Variants in CDC42BPA observed in about 807,000 individuals in gnomAD.
CDC42BPA encodes the protein CDC42 binding protein kinase alpha, also known as serine/threonine-protein kinase MRCK alpha.
CDC42BPA carries 80 observed loss-of-function variants against 223.5 expected under a neutral mutation model. That is an observed-to-expected ratio of 0.36 (90% CI 0.30 to 0.43). The LOEUF is 0.43. Ranked by LOEUF, CDC42BPA falls within the 20% of genes least tolerant of loss-of-function variation. CDC42BPA has a pLI of 1.00. For synonymous variants in CDC42BPA, 694 were observed against 718.6 expected, an observed-to-expected ratio of 0.97 and a Z score of 0.55; for missense variants, 1,743 against 2,099.9, an observed-to-expected ratio of 0.83 and a Z score of 3.32.
chr1:227,161,700 T>C (rs1663928386), intron 5 of CDC42BPA, among the ~76,000 whole-genome samples: 1 of 152,230 alleles, frequency 6.6e-6, no homozygotes, highest in African/African-American at 2.4e-5. Flanking sequence ...AACACAGCCA[T>C]GCCCATTCAT....
chr1:226,994,096 G>T lies in CDC42BPA; in HGVS notation c.*172C>A. ...CTGTCTTTGTTGTTGCTGTTAGGCT[G>T]GGGGCGTGGATCTGAGAGTCGTGTC... is the stretch of plus-strand genomic sequence containing the variant. On this transcript the variant is annotated 3_prime_UTR_variant, in exon 37 of 37. Transcript: ENST00000366766. The surrounding 1 kb of genome is among the most constrained non-coding windows in gnomAD (Gnocchi z 4.0). 1.8e-6 allele frequency: 1 copy of T among 567,724 alleles called. No individual in the cohort carries two copies. 35.2% of individuals were successfully genotyped at this position (567,724 alleles called of 1,614,324 possible). A position where few individuals can be genotyped will look rare whatever the true frequency, so the allele number is the denominator to read the frequency against.
chr1:227,132,525 G>A lies in CDC42BPA; in HGVS notation c.1391-3294C>T, dbSNP rs1205040799. ...GCCTGCCTTGGCCTCCCAAAGAGCC[G>A]AGATTGCAGCCTCTGCCTGGCTGCC... On this transcript the variant is annotated intron_variant, in intron 10 of 36. Coordinates refer to ENST00000366766, the MANE Select transcript of CDC42BPA (RefSeq NM_001394014.1). Among the ~76,000 whole-genome samples, 4 of 138,406 alleles carry A rather than the reference G, an allele frequency of 2.9e-5. 1 individual carries two copies. Among genetic ancestry groups the A allele is most frequent in the South Asian group, 4.3e-4 (2 of 4,640 alleles). The allele number at this position is 138,406 out of a possible 152,430, so 90.8% of individuals were successfully genotyped here. A position where few individuals can be genotyped will look rare whatever the true frequency, so the allele number is the denominator to read the frequency against.
intron 14 of CDC42BPA, among the ~76,000 whole-genome samples, chr1:227,109,770 C>T (rs1330493046): frequency 2.6e-5 from 4 of 151,442 alleles, no homozygotes; most frequent in Non-Finnish European, 5.9e-5. Context: ...CAAACACACA[C>T]ATTAATATAG....
chr1:227,261,014 T>C (rs2148360979), intron 1 of CDC42BPA, among the ~76,000 whole-genome samples: 1 of 151,192 alleles, frequency 6.6e-6, no homozygotes, highest in East Asian at 1.9e-4. Context: ...AGGTGGTATA[T>C]TTGAGACTTT....
chr1:227,317,317 G>T lies in CDC42BPA; in HGVS notation c.-135C>A. 1.1e-6 allele frequency: 1 copy of T among 895,948 alleles called. No homozygotes were observed. The highest frequency in any genetic ancestry group is 1.7e-6 in the Non-Finnish European group (1 of 604,182). 55.5% of individuals were successfully genotyped at this position (895,948 alleles called of 1,614,324 possible). On this transcript the variant is annotated 5_prime_UTR_variant, in exon 1 of 37. Coordinates refer to ENST00000366766, the MANE Select transcript of CDC42BPA (RefSeq NM_001394014.1). ...CAAACAACTGTCATGCAATGCTGGT[G>T]CTGAATTAAACATCCAACACACCAG...
intron 35 of CDC42BPA, among the ~76,000 whole-genome samples, chr1:227,003,370 C>A (rs1236676389): frequency 6.6e-6 from 1 of 152,166 alleles, no homozygotes; most frequent in African/African-American, 2.4e-5. Flanking sequence ...GATCGACACT[C>A]TCTCTGATCT....
intron 16 of CDC42BPA, among the ~76,000 whole-genome samples, chr1:227,089,119 T>C (rs1682560782): frequency 6.6e-6 from 1 of 152,256 alleles, no homozygotes; most frequent in Non-Finnish European, 1.5e-5. Context: ...TTTTTATTTT[T>C]GGAATTTAAA....
chr1:227,143,151 G>C (rs988389317), intron 8 of CDC42BPA, 127 bp from the exon 9 acceptor site: 22 of 476,810 alleles, frequency 4.6e-5, no homozygotes, highest in African/African-American at 3.5e-4. Context: ...TAAAACACTG[G>C]TAAGTTTGGT....
intron 1 of CDC42BPA, among the ~76,000 whole-genome samples, chr1:227,272,785 G>A (rs997159973): frequency 6.7e-6 from 1 of 148,304 alleles, no homozygotes; most frequent in African/African-American, 2.5e-5. Flanking sequence ...TAAACCAAGA[G>A]TATAATGAAC....
Position 227,101,128 on chromosome 1 carries a change from A to G in CDC42BPA, c.2113T>C (p.Ser705Pro). ...TTTGCATGTATTCCTTCTCTTTTAG[A>G]TAATTCTTCTTCATAAAAGATACTT... is the stretch of plus-strand genomic sequence containing the variant. ...KKSIFYEEEL[S>P]KREGIHANEI... The change falls in exon 15 of 37, where the codon TCT (serine) becomes CCT (proline). Residue 705 changes from serine (S) to proline (P), a missense_variant. By Grantham distance (74) the Ser-to-Pro change is moderately conservative. Coordinates refer to ENST00000366766, the MANE Select transcript of CDC42BPA (RefSeq NM_001394014.1). 1.3e-6 allele frequency: 2 copies of G among 1,577,134 alleles called. No homozygotes were observed. The highest frequency in any genetic ancestry group is 1.7e-6 in the Non-Finnish European group (2 of 1,147,298).
At chr1:227,069,968 T>C (rs1419375995) in intron 20 of CDC42BPA, 115 bp from the exon 21 acceptor site, 5 of 611,392 alleles carry the variant, frequency 8.2e-6, no homozygotes, top group Non-Finnish European at 1.5e-5. Context: ...TATTTCAAAG[T>C]TGATCACTAT....
At chr1:227,106,740 A>G (rs1053471043) in intron 14 of CDC42BPA, among the ~76,000 whole-genome samples, 2 of 152,210 alleles carry the variant, frequency 1.3e-5, no homozygotes, top group Non-Finnish European at 1.5e-5. Flanking sequence ...GTTAATTTGT[A>G]TAACTGGTGT....
At chr1:227,083,420 C>T (rs1004631312) in intron 16 of CDC42BPA, among the ~76,000 whole-genome samples, 6 of 152,078 alleles carry the variant, frequency 3.9e-5, no homozygotes, top group African/African-American at 1.4e-4. Flanking sequence ...CAGTTGTTTG[C>T]TGAAATCCTT....
At chr1:227,179,879 TAAAG>T (rs1263610938) in intron 5 of CDC42BPA, among the ~76,000 whole-genome samples, 12 of 151,970 alleles carry the variant, frequency 7.9e-5, no homozygotes, top group African/African-American at 2.9e-4. Flanking sequence ...TTAAAGCTAA[TAAAG>T]AAAAGTTCAC....
At chr1:227,221,414 T>G (rs1675875665) in intron 2 of CDC42BPA, among the ~76,000 whole-genome samples, 1 of 152,114 alleles carries the variant, frequency 6.6e-6, no homozygotes, top group Non-Finnish European at 1.5e-5. Flanking sequence ...TGTCTTAAAT[T>G]TAAGAAGTCA....
At chr1:227,215,998 T>C (rs1422089727) in intron 2 of CDC42BPA, among the ~76,000 whole-genome samples, 1 of 152,134 alleles carries the variant, frequency 6.6e-6, no homozygotes, top group Non-Finnish European at 1.5e-5. Flanking sequence ...TCTCACAGTA[T>C]GACAGAAAAA....
At position 227,074,363 on chromosome 1, in the gene CDC42BPA, C is replaced by T. The variant is rs543003206; in HGVS notation, c.2482G>A (p.Val828Ile). 17 of 1,605,804 alleles carry T rather than the reference C, an allele frequency of 1.1e-5. No individual in the cohort carries two copies. In the South Asian group the frequency reaches 1.7e-4, roughly 16 times the overall value. ...CCTCGTGCATCCTTTTCATCGCTGACCCTAGAATATATAAAGACAAAGTAC... is the reference window on the plus strand; with the variant it reads ...CCTCGTGCATCCTTTTCATCGCTGATCCTAGAATATATAAAGACAAAGTAC... The part of the protein sequence containing the change: ...EAQITEIIQW[V>I]SDEKDARGYL... The change falls in exon 18 of 37, where the codon GTC (valine) becomes ATC (isoleucine). Residue 828 changes from valine (V) to isoleucine (I), a missense_variant and splice_region_variant. Physicochemically the swap from Val to Ile is conservative, Grantham distance 29. This residue lies in a region of CDC42BPA where 464 missense variants were observed against 488.0 expected (regional missense o/e 0.95). Coordinates refer to ENST00000366766, the MANE Select transcript of CDC42BPA (RefSeq NM_001394014.1).
chr1:227,128,208 C>T (rs750686078), intron 11 of CDC42BPA, among the ~76,000 whole-genome samples: 1 of 152,162 alleles, frequency 6.6e-6, no homozygotes, highest in Non-Finnish European at 1.5e-5. Context: ...AGTTTTTGCA[C>T]CGGCTAGTCC....
chr1:227,239,206 G>A (rs1679609100), intron 2 of CDC42BPA, among the ~76,000 whole-genome samples: 1 of 152,114 alleles, frequency 6.6e-6, no homozygotes, highest in South Asian at 2.1e-4. Context: ...AACTATTCTG[G>A]AAAAGGCAAA....
Sources: gnomAD v4.1 joint callset for allele counts (sites outside exome capture counted in the v4.1 genomes callset) on GRCh38, gnomAD v4.1.1 for gene constraint, gnomAD v4.1.1 regional missense constraint, Gnocchi (gnomAD v3.1) non-coding constraint, MANE v1.5 for transcripts, NCBI Gene and HGNC (gene_info 2026-07-23, HGNC 2026-07-21) for gene names.